The following CLIC5 variants were observed in gnomAD, a reference collection of about 807,000 sequenced individuals.
CLIC5 encodes chloride intracellular channel protein 5.
A neutral mutation model predicts 24.7 loss-of-function variants in CLIC5; 20 were observed. That is an observed-to-expected ratio of 0.81 (90% CI 0.57 to 1.18). The LOEUF (loss-of-function observed/expected upper bound fraction) is 1.18, where lower values mean the gene tolerates loss of function less well. CLIC5 is among the 50% of genes most tolerant of loss of function. The pLI, the probability that CLIC5 is intolerant of heterozygous loss-of-function variation, is 0.00. For synonymous variants in CLIC5, 159 were observed against 135.6 expected (o/e 1.17, Z -1.20); for missense variants, 341 against 326.1 (o/e 1.05, Z -0.35).
At position 45,902,933 on chromosome 6, in the gene CLIC5, A is replaced by G; in HGVS notation, c.*155T>C. 1 of 762,856 alleles carries G rather than the reference A, an allele frequency of 1.3e-6. No individual in the cohort carries two copies. The highest frequency in any genetic ancestry group is 3.9e-4 in the Middle Eastern group (1 of 2,572). The allele number at this position is 762,856 out of a possible 1,614,324, so 47.3% of individuals were successfully genotyped here. ...CCAGGGATGGTGCTGACCTTCATGA[A>G]AGATAGCAGGCTGGAGTTCCCATGA... On this transcript the variant is annotated 3_prime_UTR_variant, in exon 6 of 6. Coordinates refer to ENST00000339561, the MANE Select transcript of CLIC5 (RefSeq NM_016929.5).
chr6:45,996,412 G>C (rs1766141511), intron 1 of CLIC5, among the ~76,000 whole-genome samples: 1 of 152,072 alleles, frequency 6.6e-6, no homozygotes, highest in Non-Finnish European at 1.5e-5. Context: ...TAGACATGAA[G>C]TCCTTGCCCA....
chr6:45,892,064 A>C (rs1179487820), intron 6 of CLIC5: 1 of 152,128 alleles, frequency 6.6e-6, no homozygotes, highest in Non-Finnish European at 1.5e-5. Context: ...AACATTTTTC[A>C]TGACTTTATG....
At chr6:45,940,617 T>A (rs2127366025) in intron 4 of CLIC5, among the ~76,000 whole-genome samples, 1 of 152,336 alleles carries the variant, frequency 6.6e-6, no homozygotes, top group East Asian at 1.9e-4. Context: ...ACTTGTTCAT[T>A]CACAAAGATT....
chr6:46,082,701 C>G (rs1762950021), upstream of CLIC5, among the ~76,000 whole-genome samples: 1 of 151,982 alleles, frequency 6.6e-6, no homozygotes, highest in African/African-American at 2.4e-5. Context: ...CTTTAATGTC[C>G]CCTTCTCAAT....
chr6:46,097,841 A>T, the CLIC5 span, among the ~76,000 whole-genome samples: 2 of 152,158 alleles, frequency 1.3e-5, no homozygotes, highest in Non-Finnish European at 2.9e-5. Flanking sequence ...AGTTAATCTG[A>T]AATGGTAACC....
upstream of CLIC5, among the ~76,000 whole-genome samples, chr6:46,019,424 C>T (rs1399942861): frequency 3.9e-5 from 6 of 152,054 alleles, no homozygotes; most frequent in South Asian, 2.1e-4. Context: ...CGGTGGCTCA[C>T]GCCTGTAATC....
At chr6:45,971,643 C>T (rs1765205123) in intron 1 of CLIC5, among the ~76,000 whole-genome samples, 2 of 152,164 alleles carry the variant, frequency 1.3e-5, no homozygotes, top group African/African-American at 2.4e-5. Context: ...TCAGGAATGG[C>T]AAAGAAACAT....
At chr6:46,079,714 G>A in exon 1 of CLIC5, 2 of 1,551,150 alleles carry the variant, frequency 1.3e-6, no homozygotes, top group Non-Finnish European at 1.7e-6. Flanking sequence ...TTCACAAAGA[G>A]GTAAATCTCA....
Position 45,914,301 on chromosome 6 carries a change from C to A in CLIC5, c.515G>T (p.Arg172Leu), listed in dbSNP as rs145681060. ...ANTCGEDKGSRRKFLDGDELT... is the reference protein window; with the variant it reads ...ANTCGEDKGSLRKFLDGDELT... ...CTCATCCCCATCCAGGAACTTGCGCCGGGACCCCTTGTCTTCCCCACAAGT... is the reference window on the plus strand; with the variant it reads ...CTCATCCCCATCCAGGAACTTGCGCAGGGACCCCTTGTCTTCCCCACAAGT... The change falls in exon 5 of 6, where the codon CGG becomes CTG. Residue 172 changes from arginine (R) to leucine (L), a missense_variant. Arg to Leu is a moderately radical substitution (Grantham distance 102). Transcript: ENST00000339561. 1.2e-6 allele frequency: 2 copies of A among 1,607,226 alleles called. No homozygotes were observed. The highest frequency in any genetic ancestry group is 2.2e-5 in the South Asian group (2 of 89,958).
intron 5 of CLIC5, chr6:45,912,542 A>G: frequency 7.2e-7 from 1 of 1,391,112 alleles, no homozygotes; most frequent in Middle Eastern, 2.5e-4. Context: ...GAAGGCAAGA[A>G]GGAATACAAT....
intron 1 of CLIC5, among the ~76,000 whole-genome samples, chr6:46,071,064 C>G (rs972572294): frequency 6.6e-6 from 1 of 152,022 alleles, no homozygotes; most frequent in Non-Finnish European, 1.5e-5. Context: ...ATTTCATATA[C>G]AAAAATCAAC....
At chr6:45,979,951 CTTTTT>C (rs3997321) in intron 1 of CLIC5, among the ~76,000 whole-genome samples, 3 of 95,040 alleles carry the variant, frequency 3.2e-5, no homozygotes, top group Admixed American at 1.3e-4. Flanking sequence ...GACTTAGTCA[CTTTTT>C]TTTTTTTTTT....
intron 1 of CLIC5, among the ~76,000 whole-genome samples, chr6:45,985,942 A>G (rs1037847889): frequency 6.6e-6 from 1 of 152,122 alleles, no homozygotes; most frequent in Non-Finnish European, 1.5e-5. Flanking sequence ...AGGTAATTGA[A>G]TCATGGGGGT....
the CLIC5 span, among the ~76,000 whole-genome samples, chr6:46,104,333 T>A: frequency 6.6e-6 from 1 of 152,148 alleles, no homozygotes; most frequent in East Asian, 1.9e-4. Flanking sequence ...GGGGGCATGA[T>A]CTTCAAGTCA....
intron 3 of CLIC5, 64 bp downstream of exon 3, chr6:45,949,192 G>C: frequency 6.4e-7 from 1 of 1,558,630 alleles, no homozygotes; most frequent in African/African-American, 1.4e-5. Flanking sequence ...GTTAACACCA[G>C]GACTTTATAG....
At chr6:45,973,795 T>G (rs1765283496) in intron 1 of CLIC5, among the ~76,000 whole-genome samples, 1 of 152,012 alleles carries the variant, frequency 6.6e-6, no homozygotes, top group Non-Finnish European at 1.5e-5. Context: ...CTGGGGGTGG[T>G]GGCACATGCC....
intron 4 of CLIC5, among the ~76,000 whole-genome samples, chr6:45,938,286 G>A (rs1294379798): frequency 6.6e-6 from 1 of 152,212 alleles, no homozygotes; most frequent in African/African-American, 2.4e-5. Flanking sequence ...CCGTAACACA[G>A]GAGCCATGCT....
chr6:46,016,644 G>A (rs1187215296), upstream of CLIC5, among the ~76,000 whole-genome samples: 1 of 152,170 alleles, frequency 6.6e-6, no homozygotes, highest in Admixed American at 6.5e-5. Context: ...TATCTTAGGT[G>A]TATGCCTCAA....
In CLIC5 at chr6:46,040,202, G is replaced by A. The variant is rs994663824; in HGVS notation, c.540+39501C>T. On this transcript the variant is annotated intron_variant, in intron 1 of 5. Transcript: ENST00000185206. The stretch of plus-strand genomic sequence containing the variant: ...GTGGAAGATAATGATGATGGTACTA[G>A]TGCTGGTAATGGTGGTGGTGAAAAT... 5.9e-5 allele frequency among the ~76,000 whole-genome samples: 9 copies of A among 152,218 alleles called. No homozygotes were observed. In the East Asian group the frequency reaches 1.3e-3, roughly 23 times the overall value.
Sources: allele counts gnomAD v4.1 joint callset (sites outside exome capture counted in the v4.1 genomes callset), GRCh38; gene constraint gnomAD v4.1.1; transcripts MANE v1.5; gene names NCBI Gene and HGNC (gene_info 2026-07-23, HGNC 2026-07-21).